The following TBX15 variants were observed in gnomAD, a reference collection of about 807,000 sequenced individuals.
The protein encoded by TBX15 is T-box transcription factor TBX15.
A neutral mutation model predicts 53.9 loss-of-function variants in TBX15; 18 were observed. That is an observed-to-expected ratio of 0.33 (90% confidence interval 0.23 to 0.49). TBX15 has a LOEUF of 0.49. Among genes scored for constraint, TBX15 ranks in the 20% least tolerant of loss-of-function variants. The pLI, the probability that TBX15 is intolerant of heterozygous loss-of-function variation, is 0.98. For missense variants in TBX15, 692 were observed against 749.5 expected, an observed-to-expected ratio of 0.92 and a Z score of 0.90; for synonymous variants, 295 against 278.0, an observed-to-expected ratio of 1.06 and a Z score of -0.61.
chr1:118,916,423 A>G (rs1655223339), intron 5 of TBX15, among the ~76,000 whole-genome samples: 1 of 152,212 alleles, frequency 6.6e-6, no homozygotes, highest in Admixed American at 6.5e-5. Flanking sequence ...TATGTAACAC[A>G]GGATATGAAC....
intron 1 of TBX15, among the ~76,000 whole-genome samples, chr1:118,946,609 C>G (rs1325936): frequency 0.18 from 26,803 of 152,098 alleles, 3,001 homozygotes; most frequent in East Asian, 0.5. Context: ...ACTAATGGTG[C>G]ATCTTAATAA....
intron 7 of TBX15, among the ~76,000 whole-genome samples, chr1:118,890,114 G>A (rs1011406305): frequency 6.6e-6 from 1 of 152,168 alleles, no homozygotes; most frequent in African/African-American, 2.4e-5. Flanking sequence ...TGTTGTACAT[G>A]CTAGAGGAAC....
At chr1:118,976,220 A>C (rs1039343436) in intron 1 of TBX15, among the ~76,000 whole-genome samples, 1 of 152,214 alleles carries the variant, frequency 6.6e-6, no homozygotes, top group Non-Finnish European at 1.5e-5. Flanking sequence ...CTCTAAAAAA[A>C]AACTTCCCAG....
chr1:118,943,295 G>C (rs1279062779), intron 1 of TBX15, among the ~76,000 whole-genome samples: 1 of 152,096 alleles, frequency 6.6e-6, no homozygotes, highest in African/African-American at 2.4e-5. Context: ...GTAAAATATA[G>C]AATGGGAAAA....
chr1:118,926,874 TTGTGTGTGTGTG>T (rs34081549), intron 2 of TBX15, among the ~76,000 whole-genome samples: 2 of 148,972 alleles, frequency 1.3e-5, no homozygotes, highest in African/African-American at 2.5e-5. Flanking sequence ...CCCAGCTAAT[TTGTGTGTGTGTG>T]TGTGTGTGTG....
intron 1 of TBX15, among the ~76,000 whole-genome samples, chr1:118,932,427 T>C (rs753538290): frequency 6.6e-6 from 1 of 152,178 alleles, no homozygotes; most frequent in African/African-American, 2.4e-5. Context: ...AGTAAATGGT[T>C]TTTCCTAAGA....
intron 6 of TBX15, among the ~76,000 whole-genome samples, chr1:118,908,377 C>CAA (rs66887595): frequency 0.13 from 17,199 of 132,120 alleles, 1,472 homozygotes; most frequent in Non-Finnish European, 0.18. Flanking sequence ...AGCACAAGAC[C>CAA]AAAAAAAAAA....
At chr1:118,974,129 C>A (rs1657341487) in intron 1 of TBX15, among the ~76,000 whole-genome samples, 1 of 152,188 alleles carries the variant, frequency 6.6e-6, no homozygotes, top group South Asian at 2.1e-4. Flanking sequence ...CCCAAGATTG[C>A]AGTGTTCATC....
chr1:118,921,774 C>T (rs1412383048), intron 5 of TBX15, among the ~76,000 whole-genome samples: 1 of 152,190 alleles, frequency 6.6e-6, no homozygotes, highest in African/African-American at 2.4e-5. Context: ...GGACCTACCA[C>T]TAAATTTTTT....
chr1:118,985,713 A>T (rs1022274101), intron 1 of TBX15, among the ~76,000 whole-genome samples: 14 of 152,314 alleles, frequency 9.2e-5, no homozygotes, highest in East Asian at 5.8e-4. Context: ...TTTCTTTTTT[A>T]AAAAATGATA....
chr1:118,923,929 C>T (rs185775437), intron 4 of TBX15, among the ~76,000 whole-genome samples: 94 of 152,294 alleles, frequency 6.2e-4, no homozygotes, highest in Admixed American at 3.5e-3. Context: ...CAAGTTGTTC[C>T]CTCCAGCTTC....
chr1:118,903,446 C>T (rs1287886667), intron 6 of TBX15, among the ~76,000 whole-genome samples: 1 of 152,116 alleles, frequency 6.6e-6, no homozygotes, highest in Non-Finnish European at 1.5e-5. Context: ...TTTCATGACC[C>T]TACTTGGTAG....
Position 118,885,534 on chromosome 1 carries a change from A to G in TBX15, c.1025-18T>C. On this transcript the variant is annotated intron_variant, in intron 7 of 7. Coordinates refer to ENST00000369429, the MANE Select transcript of TBX15 (RefSeq NM_001330677.2). ...GCTGCCTCCTGAAAAATAAAACGTG[A>G]ATACTATTGAGACAGAGTCTTTTAA... The G allele has an allele frequency of 4.5e-6, 7 of 1,559,454 alleles. No individual in the cohort carries two copies. The highest frequency in any genetic ancestry group is 6.1e-6 in the Non-Finnish European group (7 of 1,150,964).
chr1:118,952,396 A>G (rs1173168225), intron 1 of TBX15, among the ~76,000 whole-genome samples: 2 of 151,644 alleles, frequency 1.3e-5, no homozygotes, highest in Non-Finnish European at 2.9e-5. Context: ...AAGGGTCAAT[A>G]ATACAGAAAG....
At chr1:118,944,920 T>C (rs982319782) in intron 1 of TBX15, among the ~76,000 whole-genome samples, 2 of 152,086 alleles carry the variant, frequency 1.3e-5, no homozygotes, top group African/African-American at 4.8e-5. Context: ...GGAATGGGGG[T>C]CAAAATGACT....
chr1:118,887,022 C>A (rs1653967360), intron 7 of TBX15, among the ~76,000 whole-genome samples: 1 of 152,206 alleles, frequency 6.6e-6, no homozygotes. Context: ...CCTTTACGAG[C>A]CTCCTCTTTC....
At chr1:118,893,262 G>T (rs1275089078) in intron 7 of TBX15, among the ~76,000 whole-genome samples, 1 of 129,644 alleles carries the variant, frequency 7.7e-6, no homozygotes, top group African/African-American at 3.0e-5. Context: ...AAGGAAGAAA[G>T]AAAGGAAGAA....
chr1:118,986,085 G>GT (rs1657823960), intron 1 of TBX15, among the ~76,000 whole-genome samples: 1 of 152,180 alleles, frequency 6.6e-6, no homozygotes, highest in Admixed American at 6.5e-5. Context: ...AACAACTTCT[G>GT]TTTTTTCCGC....
intron 7 of TBX15, among the ~76,000 whole-genome samples, chr1:118,891,473 C>T (rs909345030): frequency 2.6e-5 from 4 of 152,176 alleles, no homozygotes; most frequent in African/African-American, 9.7e-5. Context: ...GCAACAGTAT[C>T]TAGTTTTCCC....
Sources: allele counts gnomAD v4.1 joint callset (sites outside exome capture counted in the v4.1 genomes callset), GRCh38; gene constraint gnomAD v4.1.1; transcripts MANE v1.5; gene names NCBI Gene and HGNC (gene_info 2026-07-23, HGNC 2026-07-21).